The following PDE4B variants were observed in gnomAD, a reference collection of about 807,000 sequenced individuals.
PDE4B encodes the protein 3',5'-cyclic-AMP phosphodiesterase 4B.
Under a neutral mutation model 82.2 loss-of-function variants are expected in PDE4B, and 20 were observed. The observed-to-expected ratio is 0.24, with a 90% confidence interval of 0.17 to 0.35. The LOEUF (loss-of-function observed/expected upper bound fraction) is 0.35, where lower values mean the gene tolerates loss of function less well. Ranked by LOEUF, PDE4B falls within the 10% of genes least tolerant of loss-of-function variation. The pLI is 1.00. For synonymous variants in PDE4B, 320 were observed against 318.9 expected, an observed-to-expected ratio of 1.00 and a Z score of -0.04; for missense variants, 655 against 907.2, an observed-to-expected ratio of 0.72 and a Z score of 3.57.
At chr1:66,018,337 G>A (rs1183344678) in intron 3 of PDE4B, among the ~76,000 whole-genome samples, 1 of 152,066 alleles carries the variant, frequency 6.6e-6, no homozygotes, top group Non-Finnish European at 1.5e-5. Context: ...GGAGAACGGC[G>A]TGAACCCAGG....
At chr1:66,300,076 G>T (rs754556469) in intron 7 of PDE4B, among the ~76,000 whole-genome samples, 1 of 152,072 alleles carries the variant, frequency 6.6e-6, no homozygotes, top group South Asian at 2.1e-4. Flanking sequence ...CTTTCTCTCT[G>T]GTGTTCGTGT....
intron 3 of PDE4B, among the ~76,000 whole-genome samples, chr1:65,926,276 A>G (rs1647494252): frequency 6.6e-6 from 1 of 152,250 alleles, no homozygotes; most frequent in South Asian, 2.1e-4. Context: ...AGAAAATAAG[A>G]TGATAGTTTT....
chr1:66,164,171 A>G (rs750512900), intron 3 of PDE4B, among the ~76,000 whole-genome samples: 7 of 152,110 alleles, frequency 4.6e-5, no homozygotes, highest in Non-Finnish European at 5.9e-5. Context: ...CTAGAGTAAT[A>G]TATTTCGTAT....
chr1:66,022,140 A>G (rs1203397688), intron 3 of PDE4B, among the ~76,000 whole-genome samples: 2 of 152,106 alleles, frequency 1.3e-5, no homozygotes, highest in Non-Finnish European at 2.9e-5. Context: ...AATGCTTGTG[A>G]TTTTTGCACA....
At chr1:65,995,565 C>T (rs1651495775) in intron 3 of PDE4B, among the ~76,000 whole-genome samples, 1 of 152,048 alleles carries the variant, frequency 6.6e-6, no homozygotes, top group Non-Finnish European at 1.5e-5. Context: ...CTCTAAGACT[C>T]GTGAGAATAA....
Position 65,994,984 on chromosome 1 carries a change from C to T in PDE4B, c.281+76149C>T, listed in dbSNP as rs74385043. 3.0e-3 allele frequency among the ~76,000 whole-genome samples: 451 copies of T among 152,004 alleles called. 3 individuals carry two copies. Among genetic ancestry groups the T allele is most frequent in the African/African-American group, 0.01 (424 of 41,482 alleles). ...ATGCATTATACAAATTTTCTGGCAG[C>T]AAAAGGAACAATTAAATGGTATCTG... is the stretch of plus-strand genomic sequence containing the variant. On this transcript the variant is annotated intron_variant, in intron 3 of 16. Coordinates refer to ENST00000341517, the MANE Select transcript of PDE4B (RefSeq NM_002600.4).
intron 1 of PDE4B, among the ~76,000 whole-genome samples, chr1:65,903,863 G>A (rs1646998801): frequency 6.6e-6 from 1 of 152,134 alleles, no homozygotes; most frequent in African/African-American, 2.4e-5. Flanking sequence ...GTTGCTTCTA[G>A]GTAGGGAATC....
chr1:66,102,915 C>T (rs953515162), intron 3 of PDE4B, among the ~76,000 whole-genome samples: 1 of 152,010 alleles, frequency 6.6e-6, no homozygotes, highest in Non-Finnish European at 1.5e-5. Flanking sequence ...ATTATTTTCC[C>T]ATTACAGGTA....
At chr1:66,315,547 G>T (rs150590614) in intron 7 of PDE4B, among the ~76,000 whole-genome samples, 1 of 151,980 alleles carries the variant, frequency 6.6e-6, no homozygotes, top group Non-Finnish European at 1.5e-5. Flanking sequence ...CCTCCGCCTC[G>T]TGGGTTCAAG....
At chr1:65,929,892 A>G (rs572386886) in intron 3 of PDE4B, among the ~76,000 whole-genome samples, 125 of 152,322 alleles carry the variant, frequency 8.2e-4, no homozygotes, top group African/African-American at 2.9e-3. Context: ...GTCTAATCAT[A>G]TTAAGCAGCC....
intron 3 of PDE4B, among the ~76,000 whole-genome samples, chr1:66,021,346 T>G (rs1236160502): frequency 6.6e-6 from 1 of 152,218 alleles, no homozygotes. Context: ...CAATTTTGGC[T>G]TTTGTTGCCA....
intron 1 of PDE4B, among the ~76,000 whole-genome samples, chr1:65,826,680 A>G (rs989281607): frequency 2.6e-5 from 4 of 152,094 alleles, no homozygotes; most frequent in Admixed American, 2.6e-4. Flanking sequence ...GTGCAAATCC[A>G]CTGCGTCTTG....
intron 7 of PDE4B, among the ~76,000 whole-genome samples, chr1:66,322,188 C>A (rs180879810): frequency 1.3e-5 from 2 of 152,318 alleles, no homozygotes; most frequent in East Asian, 3.9e-4. Context: ...GGATTAAAGA[C>A]TTAAATGTAA....
At chr1:65,897,288 A>G (rs12744291) in intron 1 of PDE4B, among the ~76,000 whole-genome samples, 40,534 of 152,018 alleles carry the variant, frequency 0.27, 6,076 homozygotes, top group East Asian at 0.49. Flanking sequence ...ATTGGCTTGC[A>G]TAGAATAAAG....
rs149383828 is a variant in PDE4B, at chr1:66,040,894, A to G, written c.281+122059A>G. 2.2e-4 allele frequency among the ~76,000 whole-genome samples: 33 copies of G among 152,066 alleles called. No homozygotes were observed. The Middle Eastern group carries it at 0.014, about 63-fold the overall frequency. The stretch of plus-strand genomic sequence containing the variant: ...AGGAGGGCTTTTAAAAGGAAGTAGG[A>G]AAGACAAAATCGTATCTTGCTCATT... On this transcript the variant is annotated intron_variant, in intron 3 of 16. Transcript: ENST00000341517.
intron 3 of PDE4B, among the ~76,000 whole-genome samples, chr1:66,149,979 G>A (rs1180424004): frequency 6.6e-6 from 1 of 152,200 alleles, no homozygotes. Flanking sequence ...TGGGTAGCCA[G>A]TTATCTCCTC....
chr1:66,112,271 A>G (rs554883374), intron 3 of PDE4B, among the ~76,000 whole-genome samples: 1 of 152,204 alleles, frequency 6.6e-6, no homozygotes, highest in Non-Finnish European at 1.5e-5. Context: ...ATGTTCTTGT[A>G]TTGCTTGCTT....
intron 1 of PDE4B, among the ~76,000 whole-genome samples, chr1:65,903,793 A>T (rs567436428): frequency 6.6e-6 from 1 of 152,282 alleles, no homozygotes; most frequent in South Asian, 2.1e-4. Flanking sequence ...TCGTATGTCC[A>T]CATAGACCTG....
chr1:66,283,937 A>G (rs1044483851), intron 7 of PDE4B, among the ~76,000 whole-genome samples: 8 of 152,300 alleles, frequency 5.3e-5, no homozygotes, highest in African/African-American at 1.9e-4. Context: ...TGACTCATTC[A>G]TTCACCCTAA....
Sources: gnomAD v4.1 joint callset for allele counts (sites outside exome capture counted in the v4.1 genomes callset) on GRCh38, gnomAD v4.1.1 for gene constraint, MANE v1.5 for transcripts, NCBI Gene and HGNC (gene_info 2026-07-23, HGNC 2026-07-21) for gene names.